The following TPST1 variants were observed in gnomAD, a reference collection of about 807,000 sequenced individuals.
TPST1 encodes the protein tyrosylprotein sulfotransferase 1, also known as protein-tyrosine sulfotransferase 1.
TPST1 carries 20 observed loss-of-function variants against 34.8 expected under a neutral mutation model. The observed-to-expected ratio is 0.57, with a 90% CI of 0.40 to 0.84. The LOEUF is 0.84. Among genes scored for constraint, TPST1 ranks in the 40% least tolerant of loss-of-function variants. The probability of loss-of-function intolerance (pLI) is 0.00; values close to 1 mark genes in which losing one functional copy is unlikely to be tolerated. For synonymous variants in TPST1, 152 were observed against 159.4 expected (o/e 0.95, Z 0.35); for missense variants, 353 against 455.5 (o/e 0.78, Z 2.05).
At chr7:66,265,570 AG>A (rs1381109771) in intron 2 of TPST1, among the ~76,000 whole-genome samples, 11 of 151,820 alleles carry the variant, frequency 7.2e-5, no homozygotes, top group African/African-American at 2.7e-4. Context: ...AAAAGAAAAA[AG>A]AAAAAAAGGG....
chr7:66,222,926 T>G (rs1016083124), intron 1 of TPST1, among the ~76,000 whole-genome samples: 1 of 152,230 alleles, frequency 6.6e-6, no homozygotes, highest in Non-Finnish European at 1.5e-5. Context: ...TTCTTCCTTT[T>G]GTAATTTCTA....
intron 2 of TPST1, among the ~76,000 whole-genome samples, chr7:66,260,245 T>C (rs928464244): frequency 1.3e-5 from 2 of 152,220 alleles, no homozygotes; most frequent in African/African-American, 4.8e-5. Context: ...AAATATGAAA[T>C]TCATTTATGT....
intron 2 of TPST1, among the ~76,000 whole-genome samples, chr7:66,254,992 A>C: frequency 6.6e-6 from 1 of 151,492 alleles, no homozygotes; most frequent in Non-Finnish European, 1.5e-5. Context: ...CTAAAAATAC[A>C]AAAAATTAGC....
At chr7:66,273,794 GA>G (rs67158681) in intron 2 of TPST1, among the ~76,000 whole-genome samples, 96,762 of 149,574 alleles carry the variant, frequency 0.65, 31,648 homozygotes, top group African/African-American at 0.74. Context: ...TTTTATCTTG[GA>G]AAAAAAAAAA....
chr7:66,232,444 C>T (rs1426998044), intron 1 of TPST1, among the ~76,000 whole-genome samples: 2 of 152,014 alleles, frequency 1.3e-5, no homozygotes, highest in African/African-American at 2.4e-5. Flanking sequence ...GTGATCTCCA[C>T]TCACTGCAAG....
chr7:66,346,755 T>C (rs1792359915), intron 3 of TPST1, among the ~76,000 whole-genome samples: 1 of 152,142 alleles, frequency 6.6e-6, no homozygotes, highest in African/African-American at 2.4e-5. Context: ...TTTGCAAATA[T>C]TTTCTTCCAT....
At chr7:66,213,676 G>A (rs1337206616) in intron 1 of TPST1, among the ~76,000 whole-genome samples, 3 of 151,804 alleles carry the variant, frequency 2.0e-5, no homozygotes, top group African/African-American at 4.8e-5. Flanking sequence ...CCCAGGAGGC[G>A]GAGCTTGCAG....
intron 3 of TPST1, among the ~76,000 whole-genome samples, chr7:66,327,520 T>G (rs1182811360): frequency 6.6e-6 from 1 of 152,036 alleles, no homozygotes; most frequent in African/African-American, 2.4e-5. Flanking sequence ...CCCAGGAGTT[T>G]GAGACCAGGA....
At chr7:66,293,844 C>G (rs1791137854) in intron 3 of TPST1, among the ~76,000 whole-genome samples, 1 of 152,152 alleles carries the variant, frequency 6.6e-6, no homozygotes. Context: ...CACTAGCCTT[C>G]TGATTAAGAG....
At chr7:66,295,412 T>G (rs1791173260) in intron 3 of TPST1, among the ~76,000 whole-genome samples, 1 of 152,170 alleles carries the variant, frequency 6.6e-6, no homozygotes. Flanking sequence ...AGAGGATTGC[T>G]TGAGCCCAGA....
intron 2 of TPST1, among the ~76,000 whole-genome samples, chr7:66,243,169 TTG>T (rs892467097): frequency 2.2e-4 from 29 of 133,576 alleles, no homozygotes; most frequent in East Asian, 8.5e-4. Context: ...GTGTGTGTGT[TTG>T]TGTGTGTGTG....
chr7:66,275,089 G>A (rs1349752075), intron 2 of TPST1, among the ~76,000 whole-genome samples: 3 of 152,080 alleles, frequency 2.0e-5, no homozygotes, highest in Non-Finnish European at 4.4e-5. Flanking sequence ...AGCTACTTGG[G>A]AGGCTGAGGC....
chr7:66,348,215 G>A (rs994162523), intron 3 of TPST1, among the ~76,000 whole-genome samples: 6 of 152,050 alleles, frequency 3.9e-5, no homozygotes, highest in South Asian at 2.1e-4. Context: ...CTTGGTCCAA[G>A]CCATCATTAT....
At chr7:66,345,537 C>T (rs972236109) in intron 3 of TPST1, among the ~76,000 whole-genome samples, 3 of 147,472 alleles carry the variant, frequency 2.0e-5, no homozygotes, top group African/African-American at 7.5e-5. Context: ...AAAGTCTGTA[C>T]CCAGGCACCT....
intron 1 of TPST1, among the ~76,000 whole-genome samples, chr7:66,237,125 C>G (rs545253169): frequency 6.6e-6 from 1 of 152,306 alleles, no homozygotes; most frequent in Non-Finnish European, 1.5e-5. Flanking sequence ...GCTGTTCACC[C>G]TCTCACTCGC....
At position 66,257,986 on chromosome 7, in the gene TPST1, C is replaced by G. The variant is rs550693059; in HGVS notation, c.845+16716C>G. ...AATAGATTTTCTAATATTTATTTAA[C>G]TTTGAATTTCTGGAAAAAACCCAAC... On this transcript the variant is annotated intron_variant, in intron 2 of 5. Transcript: ENST00000304842. Among the ~76,000 whole-genome samples, 3 of 152,204 alleles carry G rather than the reference C, an allele frequency of 2.0e-5. No individual in the cohort carries two copies. In the East Asian group the frequency reaches 5.8e-4, roughly 29 times the overall value.
At chr7:66,243,146 G>A (rs918931781) in intron 2 of TPST1, among the ~76,000 whole-genome samples, 1 of 148,480 alleles carries the variant, frequency 6.7e-6, no homozygotes, top group African/African-American at 2.5e-5. Flanking sequence ...GATGACAAGG[G>A]GTGTGTGTGT....
chr7:66,251,149 G>C (rs989418309), intron 2 of TPST1, among the ~76,000 whole-genome samples: 1 of 152,116 alleles, frequency 6.6e-6, no homozygotes, highest in Non-Finnish European at 1.5e-5. Flanking sequence ...CTATCCATAG[G>C]GTTGTCGTGA....
chr7:66,332,162 C>T lies in TPST1; in HGVS notation c.1045-20343C>T, dbSNP rs1198847087. The stretch of plus-strand genomic sequence containing the variant: ...TGGTCCATGGAAAGATTGTTTTTCA[C>T]AAAACCGGCCCAAAGTTGGGGACTA... On this transcript the variant is annotated intron_variant, in intron 3 of 5. Coordinates refer to ENST00000304842, the MANE Select transcript of TPST1 (RefSeq NM_003596.4). This position sits in a 1 kb window ranked among gnomAD's most constrained non-coding sequence, Gnocchi z 4.5. 3.3e-5 allele frequency among the ~76,000 whole-genome samples: 1 copy of T among 29,908 alleles called. No individual in the cohort carries two copies. Among genetic ancestry groups the T allele is most frequent in the Non-Finnish European group, 7.1e-5 (1 of 14,072 alleles). 19.6% of individuals were successfully genotyped at this position (29,908 alleles called of 152,430 possible). A position where few individuals can be genotyped will look rare whatever the true frequency, so the allele number is the denominator to read the frequency against.
Sources: gnomAD v4.1 joint callset for allele counts (sites outside exome capture counted in the v4.1 genomes callset) on GRCh38, gnomAD v4.1.1 for gene constraint, Gnocchi (gnomAD v3.1) non-coding constraint, MANE v1.5 for transcripts, NCBI Gene and HGNC (gene_info 2026-07-23, HGNC 2026-07-21) for gene names.